Variants in NPAS3 observed in about 807,000 individuals in gnomAD.
NPAS3 encodes the protein neuronal PAS domain-containing protein 3.
NPAS3 carries 14 observed loss-of-function variants against 73.1 expected under a neutral mutation model. The ratio of observed to expected loss-of-function variants is 0.19; its 90% CI spans 0.13 to 0.30. NPAS3 has a LOEUF of 0.30. NPAS3 is among the 10% of genes least tolerant of loss of function. The pLI is 1.00. For synonymous variants in NPAS3, 620 were observed against 541.5 expected (o/e 1.14, Z -2.01); for missense variants, 1,096 against 1,250.0 (o/e 0.88, Z 1.86).
chr14:33,313,136 G>A (rs1220065545), intron 3 of NPAS3, among the ~76,000 whole-genome samples: 2 of 152,036 alleles, frequency 1.3e-5, no homozygotes, highest in African/African-American at 4.8e-5. Flanking sequence ...GAACAGTGAA[G>A]TGTCGGAATG....
At chr14:33,027,263 T>C (rs547090479) in intron 1 of NPAS3, among the ~76,000 whole-genome samples, 164 of 152,264 alleles carry the variant, frequency 1.1e-3, no homozygotes, top group African/African-American at 3.7e-3. Context: ...TTTACATAGA[T>C]GGAAAATAAG....
chr14:33,484,325 T>C (rs937686410), intron 4 of NPAS3, among the ~76,000 whole-genome samples: 3 of 152,172 alleles, frequency 2.0e-5, no homozygotes, highest in African/African-American at 7.2e-5. Context: ...GGAGACTGCA[T>C]TATTATCTGC....
chr14:33,026,513 C>T (rs796165608), intron 1 of NPAS3, among the ~76,000 whole-genome samples: 19 of 151,630 alleles, frequency 1.3e-4, no homozygotes, highest in African/African-American at 4.6e-4. Context: ...ACAGCAACAA[C>T]AATGTGCTAA....
chr14:33,199,774 C>T (rs1223269794), intron 2 of NPAS3, among the ~76,000 whole-genome samples: 3 of 146,342 alleles, frequency 2.0e-5, no homozygotes, highest in Admixed American at 6.9e-5. Flanking sequence ...AATACCACTT[C>T]AAGGACTAAT....
chr14:33,774,204 C>G (rs1048246777), intron 7 of NPAS3, 133 bp from the exon 8 acceptor site: 8 of 645,562 alleles, frequency 1.2e-5, no homozygotes, highest in African/African-American at 5.5e-5. Flanking sequence ...GGCATGCCGA[C>G]AGCCATTATG....
intron 3 of NPAS3, among the ~76,000 whole-genome samples, chr14:33,366,613 A>C (rs1022791785): frequency 3.5e-4 from 54 of 152,316 alleles, no homozygotes; most frequent in African/African-American, 1.2e-3. Context: ...ATATGCAGTA[A>C]ATGTGAAATC....
chr14:33,198,810 T>A (rs2046487523), intron 2 of NPAS3, among the ~76,000 whole-genome samples: 1 of 152,102 alleles, frequency 6.6e-6, no homozygotes, highest in South Asian at 2.1e-4. Flanking sequence ...TCAGGAAGGC[T>A]CGGGCCACGC....
At chr14:33,791,616 G>C (rs2063362118) in intron 9 of NPAS3, among the ~76,000 whole-genome samples, 1 of 152,150 alleles carries the variant, frequency 6.6e-6, no homozygotes, top group South Asian at 2.1e-4. Flanking sequence ...TTTCCAAATT[G>C]GGATTTTATT....
At chr14:33,413,537 G>A (rs143257823) in intron 4 of NPAS3, among the ~76,000 whole-genome samples, 37 of 152,150 alleles carry the variant, frequency 2.4e-4, no homozygotes, top group African/African-American at 7.7e-4. Flanking sequence ...ATCTTTGAGC[G>A]TGTGGGGCAT....
At chr14:33,676,133 C>T (rs1243458454) in intron 5 of NPAS3, 78 bp from the exon 6 acceptor site, 2 of 1,414,140 alleles carry the variant, frequency 1.4e-6, no homozygotes, top group East Asian at 4.8e-5. Context: ...TACTCAGAAT[C>T]TGAATCACTG....
intron 4 of NPAS3, among the ~76,000 whole-genome samples, chr14:33,390,570 T>C (rs527765400): frequency 7.9e-5 from 12 of 152,280 alleles, no homozygotes; most frequent in South Asian, 4.1e-4. Context: ...GCTGCTTCTG[T>C]AGAGAGAGAT....
At chr14:33,451,340 A>ATCTGAGCCTTCTCCACTTCTGAGTCATG in intron 4 of NPAS3, among the ~76,000 whole-genome samples, 1 of 152,182 alleles carries the variant, frequency 6.6e-6, no homozygotes, top group South Asian at 2.1e-4. Flanking sequence ...TAAAGTTTAA[A>ATCTGAGCCTTCTCCACTTCTGAGTCATG]TCTGAGCCTT....
chr14:33,648,791 A>G (rs2058907183), intron 5 of NPAS3, among the ~76,000 whole-genome samples: 1 of 152,162 alleles, frequency 6.6e-6, no homozygotes, highest in African/African-American at 2.4e-5. Flanking sequence ...TTAGCCTCAT[A>G]GTCCATCATC....
chr14:33,132,697 T>G (rs1252255982), intron 2 of NPAS3, among the ~76,000 whole-genome samples: 4 of 152,122 alleles, frequency 2.6e-5, no homozygotes, highest in African/African-American at 9.7e-5. Context: ...AGTAAATGTC[T>G]TGTGCCACAG....
At position 33,328,616 on chromosome 14, in the gene NPAS3, C is replaced by G. The variant is rs568331621; in HGVS notation, c.386-38570C>G. Among the ~76,000 whole-genome samples, 337 of 151,516 alleles carry G rather than the reference C, an allele frequency of 2.2e-3. 2 individuals carry two copies. The highest frequency in any genetic ancestry group is 7.8e-3 in the African/African-American group (324 of 41,372). On this transcript the variant is annotated intron_variant, in intron 3 of 11. Coordinates refer to ENST00000356141, the Ensembl canonical transcript of NPAS3. ...GGGATTACAGGCGCCCGCCACCACGCCCGGCTAATTTTTTGTATTTTTAGG... is the reference window on the plus strand; with the variant it reads ...GGGATTACAGGCGCCCGCCACCACGGCCGGCTAATTTTTTGTATTTTTAGG...
chr14:33,208,618 T>G (rs909662378), intron 2 of NPAS3, among the ~76,000 whole-genome samples: 5 of 152,214 alleles, frequency 3.3e-5, no homozygotes, highest in Non-Finnish European at 7.4e-5. Flanking sequence ...TTTTGACATT[T>G]TTTTAAGCAA....
chr14:33,269,720 C>T (rs931057853), intron 3 of NPAS3, among the ~76,000 whole-genome samples: 3 of 151,960 alleles, frequency 2.0e-5, no homozygotes, highest in African/African-American at 7.3e-5. Context: ...ACAATGGCTG[C>T]CAATGCCAAA....
In NPAS3 at chr14:33,481,076, G is replaced by T. The variant is rs577784659; in HGVS notation, c.469-79045G>T. On this transcript the variant is annotated intron_variant, in intron 4 of 11. Coordinates refer to ENST00000356141, the Ensembl canonical transcript of NPAS3. ...CTGGCTAATGCTGCCTTCAGCAGGG[G>T]TCTAATAAGGATAGATATAATTGGG... Among the ~76,000 whole-genome samples the T allele has an allele frequency of 4.6e-5, 7 of 152,222 alleles. 1 individual carries two copies. The South Asian group carries it at 1.5e-3, about 32-fold the overall frequency.
chr14:33,346,224 C>CA (rs3058294), intron 3 of NPAS3, among the ~76,000 whole-genome samples: 3,959 of 127,360 alleles, frequency 0.031, 181 homozygotes, highest in East Asian at 0.21. Context: ...GACTCCGTCT[C>CA]AAAAAAAAAA....
Sources: gnomAD v4.1 joint callset for allele counts (sites outside exome capture counted in the v4.1 genomes callset) on GRCh38, gnomAD v4.1.1 for gene constraint, MANE v1.5 for transcripts, NCBI Gene and HGNC (gene_info 2026-07-23, HGNC 2026-07-21) for gene names.